PMS1: variants seen among roughly 807,000 people sequenced by gnomAD.
PMS1 encodes PMS1 protein homolog 1.
PMS1 carries 79 observed loss-of-function variants against 93.1 expected under a neutral mutation model. The observed-to-expected ratio is 0.85, with a 90% CI of 0.71 to 1.02. The LOEUF (loss-of-function observed/expected upper bound fraction) is 1.02, where lower values mean the gene tolerates loss of function less well. Among genes scored for constraint, PMS1 ranks in the 50% least tolerant of loss-of-function variants. The probability of loss-of-function intolerance (pLI) is 0.00; values close to 1 mark genes in which losing one functional copy is unlikely to be tolerated. For missense variants in PMS1, 1,064 were observed against 1,085.3 expected (o/e 0.98, Z 0.28); for synonymous variants, 335 against 363.4 (o/e 0.92, Z 0.89).
intron 6 of PMS1, among the ~76,000 whole-genome samples, chr2:189,851,541 C>G (rs190859995): frequency 7.2e-5 from 11 of 152,272 alleles, no homozygotes; most frequent in Admixed American, 2.0e-4. Flanking sequence ...GACAATAATG[C>G]ACTTAGTGTT....
intron 9 of PMS1, among the ~76,000 whole-genome samples, chr2:189,858,504 T>C (rs1446693422): frequency 1.3e-5 from 2 of 152,166 alleles, no homozygotes; most frequent in African/African-American, 4.8e-5. Context: ...GCAGCTGCTT[T>C]TACTTAACAT....
intron 6 of PMS1, among the ~76,000 whole-genome samples, chr2:189,849,389 TTCTTC>T (rs2054509814): frequency 6.6e-6 from 1 of 152,204 alleles, no homozygotes; most frequent in Non-Finnish European, 1.5e-5. Flanking sequence ...TGTTTTCATA[TTCTTC>T]TCTTCTAAAC....
At chr2:189,811,642 T>A (rs2050856915) in intron 4 of PMS1, among the ~76,000 whole-genome samples, 1 of 151,622 alleles carries the variant, frequency 6.6e-6, no homozygotes, top group Non-Finnish European at 1.5e-5. Flanking sequence ...AAAAAGAAAA[T>A]GTCTGAGAAT....
chr2:189,849,084 C>T (rs983070721), intron 6 of PMS1, among the ~76,000 whole-genome samples: 1 of 152,090 alleles, frequency 6.6e-6, no homozygotes, highest in African/African-American at 2.4e-5. Context: ...TATCTCTTCC[C>T]ATAATGTGAG....
chr2:189,831,543 T>C lies in PMS1; in HGVS notation c.583-12421T>C, dbSNP rs116465752. Among the ~76,000 whole-genome samples, 1,036 of 152,338 alleles carry C rather than the reference T, an allele frequency of 6.8e-3. 19 individuals are homozygous for C. Among genetic ancestry groups the C allele is most frequent in the African/African-American group, 0.023 (953 of 41,582 alleles). On this transcript the variant is annotated intron_variant, in intron 5 of 12. Transcript: ENST00000441310. ...GAAGATAACTGATTTATTTAACTTA[T>C]ATGCCTAAGGAAATAATACTGCATC... is the stretch of plus-strand genomic sequence containing the variant.
chr2:189,856,515 T>A (rs2055356147), intron 9 of PMS1, among the ~76,000 whole-genome samples: 1 of 152,164 alleles, frequency 6.6e-6, no homozygotes, highest in Non-Finnish European at 1.5e-5. Context: ...TTTAAAGATT[T>A]GTTTTGAATT....
intron 4 of PMS1, among the ~76,000 whole-genome samples, chr2:189,813,621 A>G (rs965717348): frequency 3.3e-5 from 5 of 152,350 alleles, no homozygotes; most frequent in East Asian, 1.9e-4. Context: ...TATTGCAACA[A>G]TTGCTTTATG....
chr2:189,800,447 G>A (rs2049789479), intron 3 of PMS1, among the ~76,000 whole-genome samples: 1 of 152,074 alleles, frequency 6.6e-6, no homozygotes, highest in African/African-American at 2.4e-5. Context: ...AAAACAGGAA[G>A]TAATGTATGT....
chr2:189,875,782 G>A (rs191713016), intron 12 of PMS1, among the ~76,000 whole-genome samples: 1 of 151,606 alleles, frequency 6.6e-6, no homozygotes, highest in East Asian at 2.0e-4. Flanking sequence ...GTGAAGTCCC[G>A]TCTCTACCAA....
intron 4 of PMS1, among the ~76,000 whole-genome samples, chr2:189,813,676 A>G (rs2051033067): frequency 1.3e-5 from 2 of 152,232 alleles, no homozygotes; most frequent in Admixed American, 1.3e-4. Flanking sequence ...AGCTGCATTA[A>G]GTGCCAAAGG....
At chr2:189,843,143 A>G (rs561453714) in intron 5 of PMS1, among the ~76,000 whole-genome samples, 248 of 151,864 alleles carry the variant, frequency 1.6e-3, no homozygotes, top group African/African-American at 5.9e-3. Context: ...TCAGCCTCCC[A>G]AGTAGCTGGG....
chr2:189,871,255 G>A (rs957876651), intron 11 of PMS1, among the ~76,000 whole-genome samples: 1 of 152,122 alleles, frequency 6.6e-6, no homozygotes, highest in African/African-American at 2.4e-5. Context: ...GGACACATTG[G>A]AAGAGTTGTC....
At chr2:189,846,235 G>A (rs575418425) in intron 6 of PMS1, among the ~76,000 whole-genome samples, 5 of 151,938 alleles carry the variant, frequency 3.3e-5, no homozygotes, top group Non-Finnish European at 7.4e-5. Context: ...AAATTGGCCC[G>A]GTGTGGTGGC....
intron 5 of PMS1, among the ~76,000 whole-genome samples, chr2:189,835,720 G>A (rs2053322427): frequency 6.6e-6 from 1 of 152,030 alleles, no homozygotes; most frequent in Admixed American, 6.6e-5. Flanking sequence ...GAGTCCAGGA[G>A]TTCAAGACCA....
intron 12 of PMS1, 60 bp downstream of exon 12, chr2:189,873,716 C>G: frequency 7.9e-7 from 1 of 1,271,702 alleles, no homozygotes; most frequent in South Asian, 1.2e-5. Context: ...CGGGCCAAGC[C>G]GGTTAGGAAC....
chr2:189,847,557 A>T (rs1309581476), intron 6 of PMS1, among the ~76,000 whole-genome samples: 1 of 152,076 alleles, frequency 6.6e-6, no homozygotes, highest in Non-Finnish European at 1.5e-5. Flanking sequence ...GTCTCTCTAA[A>T]GATAATTGTT....
chr2:189,829,876 C>T (rs1242338201), intron 5 of PMS1, among the ~76,000 whole-genome samples: 2 of 152,220 alleles, frequency 1.3e-5, no homozygotes, highest in African/African-American at 2.4e-5. Context: ...GTCCAAGCCA[C>T]CATTATCTGT....
In PMS1 at chr2:189,805,712, A is replaced by G; in HGVS notation, c.376A>G (p.Ser126Gly). Reference sequence around the variant, plus strand: ...TAGCACCCAGTATGTTTTAGATGGCAGTGGCCACATACTTTCTCAGAAACC... The same window carrying G: ...TAGCACCCAGTATGTTTTAGATGGCGGTGGCCACATACTTTCTCAGAAACC... Reference protein sequence around the residue: ...NFSTQYVLDGSGHILSQKPSH... With the variant: ...NFSTQYVLDGGGHILSQKPSH... The change falls in exon 4 of 13, where the codon AGT (serine) becomes GGT (glycine). Residue 126 changes from serine to glycine, a missense_variant. Physicochemically the swap from Ser to Gly is moderately conservative, Grantham distance 56. Transcript: ENST00000441310. The G allele has an allele frequency of 6.2e-7, 1 of 1,613,814 alleles. No homozygotes were observed.
At chr2:189,801,775 A>G (rs1222184741) in intron 3 of PMS1, among the ~76,000 whole-genome samples, 3 of 152,360 alleles carry the variant, frequency 2.0e-5, no homozygotes, top group Admixed American at 1.3e-4. Context: ...GTCAAATACA[A>G]TAATACATCT....
Sources: gnomAD v4.1 joint callset for allele counts (sites outside exome capture counted in the v4.1 genomes callset) on GRCh38, gnomAD v4.1.1 for gene constraint, MANE v1.5 for transcripts, NCBI Gene and HGNC (gene_info 2026-07-23, HGNC 2026-07-21) for gene names.